KCNQ1: variants seen among roughly 807,000 people sequenced by gnomAD.
KCNQ1 encodes the protein potassium voltage-gated channel subfamily Q member 1.
In KCNQ1, 49 loss-of-function variants were observed where a neutral mutation model predicts 72.4. That is an observed-to-expected ratio of 0.68 (90% confidence interval 0.54 to 0.86). KCNQ1 has a LOEUF of 0.86. Ranked by LOEUF, KCNQ1 falls within the 40% of genes least tolerant of loss-of-function variation. The probability of loss-of-function intolerance (pLI) is 0.00; values close to 1 mark genes in which losing one functional copy is unlikely to be tolerated. For synonymous variants in KCNQ1, 450 were observed against 412.6 expected (o/e 1.09, Z -1.10); for missense variants, 790 against 945.1 (o/e 0.84, Z 2.15).
intron 1 of KCNQ1, among the ~76,000 whole-genome samples, chr11:2,487,399 A>G (rs1846757742): frequency 6.6e-6 from 1 of 152,110 alleles, no homozygotes; most frequent in Non-Finnish European, 1.5e-5. Context: ...GGGTTTTTCT[A>G]TTTTTGCAAA....
chr11:2,819,491 C>T (rs367768767), intron 15 of KCNQ1, among the ~76,000 whole-genome samples: 7 of 152,228 alleles, frequency 4.6e-5, no homozygotes, highest in Admixed American at 3.9e-4. Context: ...TGACATTGAA[C>T]CTTCCTTGAA....
chr11:2,743,572 T>C (rs1003470975), intron 11 of KCNQ1, among the ~76,000 whole-genome samples: 1 of 152,188 alleles, frequency 6.6e-6, no homozygotes, highest in Non-Finnish European at 1.5e-5. Context: ...CTCGAATCCC[T>C]ACGCCAGTCC....
At chr11:2,548,648 G>A (rs915803250) in intron 2 of KCNQ1, among the ~76,000 whole-genome samples, 35 of 152,346 alleles carry the variant, frequency 2.3e-4, no homozygotes, top group Admixed American at 1.7e-3. Flanking sequence ...TCATAGGTGC[G>A]TGTGGGGCTG....
chr11:2,581,704 G>A (rs767458506), intron 6 of KCNQ1, among the ~76,000 whole-genome samples: 4 of 152,246 alleles, frequency 2.6e-5, no homozygotes, highest in South Asian at 2.1e-4. Context: ...TGCGTGTGCC[G>A]GGTCGTGTGT....
chr11:2,637,075 T>C (rs1167569009), intron 10 of KCNQ1: 1 of 152,210 alleles, frequency 6.6e-6, no homozygotes, highest in Non-Finnish European at 1.5e-5. Flanking sequence ...TTCTTCTCTC[T>C]TCTTTATTAG....
chr11:2,626,281 A>T lies in KCNQ1; in HGVS notation c.1394-35680A>T, dbSNP rs561904831. The T allele has an allele frequency of 2.5e-6, 1 of 398,398 alleles. No individual in the cohort carries two copies. The highest frequency in any genetic ancestry group is 2.1e-5 in the African/African-American group (1 of 48,602). The allele number at this position is 398,398 out of a possible 1,614,324, so 24.7% of individuals were successfully genotyped here. A position where few individuals can be genotyped will look rare whatever the true frequency, so the allele number is the denominator to read the frequency against. ...CTCTTTTATACATGGTTAGGTAAGGATCTCAACTTCATTCTCTTGAGTTAA... is the reference window on the plus strand; with the variant it reads ...CTCTTTTATACATGGTTAGGTAAGGTTCTCAACTTCATTCTCTTGAGTTAA... On this transcript the variant is annotated intron_variant, in intron 10 of 15. Coordinates refer to ENST00000155840, the MANE Select transcript of KCNQ1 (RefSeq NM_000218.3). This position sits in a 1 kb window ranked among gnomAD's most constrained non-coding sequence, Gnocchi z 4.0.
Position 2,776,647 on chromosome 11 carries a change from G to A in KCNQ1, c.1686-339G>A, listed in dbSNP as rs186678508. 6.6e-5 allele frequency among the ~76,000 whole-genome samples: 10 copies of A among 152,296 alleles called. No individual in the cohort carries two copies. The East Asian group carries it at 1.9e-3, about 29-fold the overall frequency. On this transcript the variant is annotated intron_variant, in intron 13 of 15. Coordinates refer to ENST00000155840, the MANE Select transcript of KCNQ1 (RefSeq NM_000218.3). ...GGGAACTAGCTCCGTGTGTTACAGGGCATGGCTGGGAGCCCGTGTCCATCC... is the reference window on the plus strand; with the variant it reads ...GGGAACTAGCTCCGTGTGTTACAGGACATGGCTGGGAGCCCGTGTCCATCC...
chr11:2,646,998 T>G, intron 10 of KCNQ1: 1 of 398,614 alleles, frequency 2.5e-6, no homozygotes, highest in Non-Finnish European at 4.4e-6. Context: ...GCCTAATTGT[T>G]CTGGTGAGGA....
At position 2,662,004 on chromosome 11, in the gene KCNQ1, C is replaced by T; in HGVS notation, c.1437C>T (p.Phe479=). 4 of 1,614,236 alleles carry T rather than the reference C, an allele frequency of 2.5e-6. No individual in the cohort carries two copies. The highest frequency in any genetic ancestry group is 3.4e-6 in the Non-Finnish European group (4 of 1,180,034). The change falls in exon 11 of 16, where the codon TTC becomes TTT. Residue 479 remains phenylalanine, a synonymous_variant. Coordinates refer to ENST00000155840, the MANE Select transcript of KCNQ1 (RefSeq NM_000218.3). ...PTLLEVSMPH[F]MRTNSFAEDL... ...TGCTGGAAGTGAGCATGCCCCATTT[C>T]ATGAGAACCAACAGCTTCGCCGAGG...
At chr11:2,737,161 G>A (rs943891389) in intron 11 of KCNQ1, among the ~76,000 whole-genome samples, 2 of 152,244 alleles carry the variant, frequency 1.3e-5, no homozygotes, top group African/African-American at 4.8e-5. Context: ...GAGGAGGCAG[G>A]CAGGGAAATT....
At chr11:2,542,894 A>C (rs895109034) in intron 2 of KCNQ1, among the ~76,000 whole-genome samples, 1 of 152,138 alleles carries the variant, frequency 6.6e-6, no homozygotes, top group African/African-American at 2.4e-5. Flanking sequence ...TCCTTTCTGC[A>C]TGGGTAAATA....
In KCNQ1 at chr11:2,559,644, A is replaced by G. The variant is rs546256785; in HGVS notation, c.478-10984A>G. Among the ~76,000 whole-genome samples the G allele has an allele frequency of 1.6e-3, 249 of 152,286 alleles. No individual in the cohort carries two copies. The highest frequency in any genetic ancestry group is 5.7e-3 in the African/African-American group (236 of 41,566). ...CTCTCTCGCTCACCAGGAAGAAGACACGTCCGGGCAGCTGGCAGGTGGGGC... is the reference window on the plus strand; with the variant it reads ...CTCTCTCGCTCACCAGGAAGAAGACGCGTCCGGGCAGCTGGCAGGTGGGGC... On this transcript the variant is annotated intron_variant, in intron 2 of 15. Coordinates refer to ENST00000155840, the MANE Select transcript of KCNQ1 (RefSeq NM_000218.3). The surrounding 1 kb of genome is among the most constrained non-coding windows in gnomAD (Gnocchi z 4.9).
At chr11:2,641,915 C>G in intron 10 of KCNQ1, 1 of 398,430 alleles carries the variant, frequency 2.5e-6, no homozygotes, top group Non-Finnish European at 4.4e-6. Context: ...ATGTTCTTGG[C>G]ATCTTTGTCA....
rs114047237 is a variant in KCNQ1, at chr11:2,546,025, G to A, written c.477+18007G>A. On this transcript the variant is annotated intron_variant, in intron 2 of 15. Transcript: ENST00000155840. The stretch of plus-strand genomic sequence containing the variant: ...TGATTAATTTTAATTATTTTATTCT[G>A]CCTACTTAGTTTTAATTTGTTCTTT... Among the ~76,000 whole-genome samples, 523 of 151,614 alleles carry A rather than the reference G, an allele frequency of 3.4e-3. 4 individuals carry two copies. Among genetic ancestry groups the A allele is most frequent in the African/African-American group, 0.012 (505 of 41,352 alleles).
chr11:2,545,207 G>A (rs1321964200), intron 2 of KCNQ1, among the ~76,000 whole-genome samples: 3 of 152,118 alleles, frequency 2.0e-5, no homozygotes, highest in Non-Finnish European at 4.4e-5. Context: ...AACAACCTTT[G>A]CATCTAGGTT....
In KCNQ1 at chr11:2,456,889, A is replaced by G. The variant is rs565670440; in HGVS notation, c.386+11405A>G. Among the ~76,000 whole-genome samples the G allele has an allele frequency of 4.1e-5, 6 of 147,494 alleles. No homozygotes were observed. The East Asian group carries it at 1.0e-3, about 25-fold the overall frequency. On this transcript the variant is annotated intron_variant, in intron 1 of 15. Transcript: ENST00000155840. The stretch of plus-strand genomic sequence containing the variant: ...AGGAGACGGAGCTTGCAGTAAGCCG[A>G]GATCACGCCACTGCACTCCAGCCTG...
At chr11:2,496,135 T>A (rs1846911244) in intron 1 of KCNQ1, among the ~76,000 whole-genome samples, 1 of 152,138 alleles carries the variant, frequency 6.6e-6, no homozygotes, top group Non-Finnish European at 1.5e-5. Context: ...GAAGTCTGTT[T>A]TATCAAAGGC....
intron 11 of KCNQ1, among the ~76,000 whole-genome samples, chr11:2,717,863 G>A (rs1456918074): frequency 6.6e-6 from 1 of 152,152 alleles, no homozygotes; most frequent in Non-Finnish European, 1.5e-5. Context: ...TCCCCCGATG[G>A]CCCACTCGCC....
At chr11:2,833,915 A>G (rs955459710) in intron 15 of KCNQ1, among the ~76,000 whole-genome samples, 4 of 152,190 alleles carry the variant, frequency 2.6e-5, no homozygotes, top group African/African-American at 9.7e-5. Context: ...GAGCCCCAGC[A>G]ACTTCCTGCC....
Sources: allele counts gnomAD v4.1 joint callset (sites outside exome capture counted in the v4.1 genomes callset), GRCh38; gene constraint gnomAD v4.1.1; non-coding constraint Gnocchi (gnomAD v3.1); transcripts MANE v1.5; gene names NCBI Gene and HGNC (gene_info 2026-07-23, HGNC 2026-07-21).